CADPS: variants seen among roughly 807,000 people sequenced by gnomAD.
CADPS encodes the protein calcium dependent secretion activator.
CADPS carries 57 observed loss-of-function variants against 167.3 expected under a neutral mutation model. That is an observed-to-expected ratio of 0.34 (90% CI 0.28 to 0.42). The LOEUF is 0.42. CADPS is among the 20% of genes least tolerant of loss of function. CADPS has a pLI of 1.00. For synonymous variants in CADPS, 676 were observed against 635.3 expected, an observed-to-expected ratio of 1.06 and a Z score of -0.96; for missense variants, 1,414 against 1,738.1, an observed-to-expected ratio of 0.81 and a Z score of 3.32.
intron 6 of CADPS, among the ~76,000 whole-genome samples, chr3:62,621,664 T>C (rs1390574631): frequency 6.6e-6 from 1 of 152,062 alleles, no homozygotes; most frequent in Non-Finnish European, 1.5e-5. Flanking sequence ...TGGGGGTTTC[T>C]TGTGCAGTTT....
intron 10 of CADPS, among the ~76,000 whole-genome samples, chr3:62,555,012 C>T (rs2077892272): frequency 1.3e-5 from 2 of 152,148 alleles, no homozygotes; most frequent in Non-Finnish European, 2.9e-5. Flanking sequence ...CTCAGCCTCC[C>T]AAAGTGCTGG....
intron 3 of CADPS, among the ~76,000 whole-genome samples, chr3:62,672,200 A>G (rs1294566053): frequency 1.5e-4 from 2 of 13,684 alleles, no homozygotes; most frequent in Non-Finnish European, 3.3e-3. Flanking sequence ...TTGTTAAAAC[A>G]CAGAGTCCGG....
intron 8 of CADPS, among the ~76,000 whole-genome samples, chr3:62,580,160 A>G (rs998328733): frequency 6.6e-6 from 1 of 152,182 alleles, no homozygotes; most frequent in African/African-American, 2.4e-5. Context: ...GGCACTATTC[A>G]CAATAGCAAA....
intron 1 of CADPS, among the ~76,000 whole-genome samples, chr3:62,860,224 A>G (rs904784474): frequency 2.6e-5 from 4 of 152,176 alleles, no homozygotes; most frequent in Non-Finnish European, 5.9e-5. Context: ...AGCCTCCTCC[A>G]GGAAGCAGGC....
chr3:62,768,531 G>T (rs544538951), intron 1 of CADPS, among the ~76,000 whole-genome samples: 1 of 152,218 alleles, frequency 6.6e-6, no homozygotes, highest in South Asian at 2.1e-4. Flanking sequence ...AATAAGCATG[G>T]TGCTCATTTA....
chr3:62,402,971 T>C, intron 29 of CADPS, 110 bp downstream of exon 29: 2 of 605,556 alleles, frequency 3.3e-6, no homozygotes, highest in South Asian at 5.5e-5. Context: ...TATGAGATAC[T>C]ATTTTATATG....
intron 2 of CADPS, among the ~76,000 whole-genome samples, chr3:62,762,288 A>T (rs970669265): frequency 6.6e-6 from 1 of 152,220 alleles, no homozygotes; most frequent in Non-Finnish European, 1.5e-5. Flanking sequence ...AAATAAAACC[A>T]ATATAGTATG....
At chr3:62,506,509 G>A (rs533774608) in intron 17 of CADPS, among the ~76,000 whole-genome samples, 1 of 152,278 alleles carries the variant, frequency 6.6e-6, no homozygotes, top group African/African-American at 2.4e-5. Context: ...TCTCTAATTT[G>A]GTATTGTATG....
At chr3:62,456,901 G>A (rs1372443856) in intron 26 of CADPS, among the ~76,000 whole-genome samples, 1 of 152,170 alleles carries the variant, frequency 6.6e-6, no homozygotes, top group Non-Finnish European at 1.5e-5. Flanking sequence ...CATAGGAAGA[G>A]AAATGGAGAT....
chr3:62,538,822 T>G (rs1490894910), intron 11 of CADPS, among the ~76,000 whole-genome samples: 1 of 152,150 alleles, frequency 6.6e-6, no homozygotes, highest in African/African-American at 2.4e-5. Flanking sequence ...GATGACCTAT[T>G]TCACTTTGCT....
chr3:62,401,162 G>A (rs908284746), intron 29 of CADPS, among the ~76,000 whole-genome samples: 5 of 152,184 alleles, frequency 3.3e-5, no homozygotes, highest in African/African-American at 9.7e-5. Context: ...TGATGGGGAC[G>A]GGTAAGAGAC....
chr3:62,598,135 AATT>A (rs1437696685), intron 6 of CADPS, among the ~76,000 whole-genome samples: 2 of 152,168 alleles, frequency 1.3e-5, no homozygotes, highest in East Asian at 3.8e-4. Flanking sequence ...TCGAAGATAA[AATT>A]ATTAAGAATT....
At chr3:62,406,200 T>C (rs923749041) in intron 28 of CADPS, among the ~76,000 whole-genome samples, 11 of 152,262 alleles carry the variant, frequency 7.2e-5, no homozygotes, top group African/African-American at 1.7e-4. Flanking sequence ...TAGCTAGAAA[T>C]AGGCCTTCGT....
At chr3:62,802,171 C>G (rs1321174876) in intron 1 of CADPS, among the ~76,000 whole-genome samples, 2 of 152,118 alleles carry the variant, frequency 1.3e-5, no homozygotes. Flanking sequence ...TGACTATAAC[C>G]TAGTATTATG....
At chr3:62,577,252 T>G (rs552780523) in intron 8 of CADPS, among the ~76,000 whole-genome samples, 1 of 152,312 alleles carries the variant, frequency 6.6e-6, no homozygotes, top group South Asian at 2.1e-4. Flanking sequence ...TTTGTGAATT[T>G]AACGTGAATT....
At chr3:62,770,765 C>G (rs1052287371) in intron 1 of CADPS, among the ~76,000 whole-genome samples, 10 of 152,128 alleles carry the variant, frequency 6.6e-5, no homozygotes, top group African/African-American at 2.4e-4. Flanking sequence ...TTCCAGATAA[C>G]AAACTTTCGT....
intron 3 of CADPS, among the ~76,000 whole-genome samples, chr3:62,687,805 T>G (rs1250083363): frequency 6.6e-6 from 1 of 151,272 alleles, no homozygotes; most frequent in Non-Finnish European, 1.5e-5. Context: ...TATGCAGTCT[T>G]TTTCTACAAC....
At chr3:62,469,302 T>C (rs2060296537) in intron 24 of CADPS, among the ~76,000 whole-genome samples, 1 of 152,232 alleles carries the variant, frequency 6.6e-6, no homozygotes, top group African/African-American at 2.4e-5. Flanking sequence ...GTGAGTACTC[T>C]GCTTTCACTC....
chr3:62,773,656 T>C (rs1344525244), intron 1 of CADPS, among the ~76,000 whole-genome samples: 2 of 152,202 alleles, frequency 1.3e-5, no homozygotes, highest in Non-Finnish European at 2.9e-5. Flanking sequence ...CACTTTCTTC[T>C]AAGCAATAAT....
Sources: gnomAD v4.1 joint callset for allele counts (sites outside exome capture counted in the v4.1 genomes callset) on GRCh38, gnomAD v4.1.1 for gene constraint, MANE v1.5 for transcripts, NCBI Gene and HGNC (gene_info 2026-07-23, HGNC 2026-07-21) for gene names.